Variants in ASIC2 observed in about 807,000 individuals in gnomAD.
The protein encoded by ASIC2 is acid-sensing ion channel 2.
Under a neutral mutation model 57.3 loss-of-function variants are expected in ASIC2, and 25 were observed. That is an observed-to-expected ratio of 0.44 (90% CI 0.32 to 0.61). The LOEUF (loss-of-function observed/expected upper bound fraction) is 0.61, where lower values mean the gene tolerates loss of function less well. ASIC2 is among the 20% of genes least tolerant of loss of function. The pLI is 0.06. For missense variants in ASIC2, 641 were observed against 738.1 expected (o/e 0.87, Z 1.52); for synonymous variants, 319 against 307.5 (o/e 1.04, Z -0.39).
chr17:33,551,066 A>G (rs1322637390), intron 1 of ASIC2, among the ~76,000 whole-genome samples: 7 of 152,190 alleles, frequency 4.6e-5, no homozygotes, highest in Non-Finnish European at 8.8e-5. Flanking sequence ...AATAATATTT[A>G]TCTTAAGCTC....
At chr17:33,729,157 T>C (rs1052190471) in intron 1 of ASIC2, among the ~76,000 whole-genome samples, 41 of 152,182 alleles carry the variant, frequency 2.7e-4, no homozygotes, top group African/African-American at 9.7e-4. Flanking sequence ...GGAAGTGTGG[T>C]GCCAGCGTCT....
At chr17:34,116,074 G>T (rs554100073) in intron 1 of ASIC2, among the ~76,000 whole-genome samples, 1 of 152,294 alleles carries the variant, frequency 6.6e-6, no homozygotes, top group African/African-American at 2.4e-5. Context: ...AGAGAGTGTT[G>T]AGAGTATAGA....
At chr17:34,114,453 G>A (rs143473410) in intron 1 of ASIC2, among the ~76,000 whole-genome samples, 2 of 152,150 alleles carry the variant, frequency 1.3e-5, no homozygotes, top group African/African-American at 2.4e-5. Flanking sequence ...CAAGTAGGAA[G>A]AACATGAGAT....
chr17:33,315,292 C>G (rs1000264324), intron 1 of ASIC2, among the ~76,000 whole-genome samples: 5 of 152,172 alleles, frequency 3.3e-5, no homozygotes, highest in African/African-American at 4.8e-5. Context: ...ACATCTCAAA[C>G]AGAACCCAGG....
chr17:33,846,582 T>TAGCTTAACTGGCATTTCCA (rs1350484671), intron 1 of ASIC2, among the ~76,000 whole-genome samples: 1 of 152,186 alleles, frequency 6.6e-6, no homozygotes, highest in Non-Finnish European at 1.5e-5. Context: ...ATTTTTCAGT[T>TAGCTTAACTGGCATTTCCA]AGCTTAACTG....
chr17:33,292,148 GGCCCCGGCCGGGCGGAGCCGC>G lies in ASIC2; in HGVS notation c.-54_-34del. 1.9e-6 allele frequency: 2 copies of G among 1,028,616 alleles called. No individual in the cohort carries two copies. The highest frequency in any genetic ancestry group is 2.3e-6 in the Non-Finnish European group (2 of 860,198). The allele number at this position is 1,028,616 out of a possible 1,614,324, so 63.7% of individuals were successfully genotyped here. Reference sequence around the variant, plus strand: ...GCCCGCGGCTGGCGGCAGCGGCGGCGGCCCCGGCCGGGCGGAGCCGCCATGGGAGTCCGCAGCAGCAGTGGA... The same window carrying G: ...GCCCGCGGCTGGCGGCAGCGGCGGCGCATGGGAGTCCGCAGCAGCAGTGGA... On this transcript the variant is annotated 5_prime_UTR_variant, in exon 1 of 10. Coordinates refer to ENST00000225823, the MANE Select transcript of ASIC2 (RefSeq NM_183377.2).
rs535924172 is a variant in ASIC2 at position 33,272,714 on chromosome 17, CATT to C, written c.708+18691_708+18693del. Reference sequence around the variant, plus strand: ...CATCCACCATCATCACCATCATCATCATTGTCAGTAGTAGCAATAATCTCCAAC... The same window carrying C: ...CATCCACCATCATCACCATCATCATCGTCAGTAGTAGCAATAATCTCCAAC... On this transcript the variant is annotated intron_variant, in intron 1 of 9. Coordinates refer to ENST00000225823, the MANE Select transcript of ASIC2 (RefSeq NM_183377.2). Among the ~76,000 whole-genome samples, 220 of 152,352 alleles carry C rather than the reference CATT, an allele frequency of 1.4e-3. 2 individuals are homozygous for C. The highest frequency in any genetic ancestry group is 5.0e-3 in the African/African-American group (206 of 41,576).
chr17:33,768,299 C>T (rs562062811), intron 1 of ASIC2, among the ~76,000 whole-genome samples: 1 of 152,270 alleles, frequency 6.6e-6, no homozygotes, highest in East Asian at 1.9e-4. Flanking sequence ...AGCCACCAAG[C>T]CCAGCCCATA....
chr17:33,579,467 C>G (rs1159877976), intron 1 of ASIC2, among the ~76,000 whole-genome samples: 1 of 152,032 alleles, frequency 6.6e-6, no homozygotes, highest in African/African-American at 2.4e-5. Flanking sequence ...TTTATTCATT[C>G]AACATTCATT....
At chr17:33,432,580 T>A (rs2141979243) in intron 1 of ASIC2, among the ~76,000 whole-genome samples, 1 of 152,322 alleles carries the variant, frequency 6.6e-6, no homozygotes, top group South Asian at 2.1e-4. Flanking sequence ...AGGACTTTTT[T>A]AACAACCTTT....
intron 1 of ASIC2, among the ~76,000 whole-genome samples, chr17:33,665,075 A>G (rs1245926019): frequency 6.6e-6 from 1 of 152,206 alleles, no homozygotes; most frequent in African/African-American, 2.4e-5. Flanking sequence ...CAAGAGGCTC[A>G]GAAAGGTGAA....
rs116107012 is a variant in ASIC2 at position 33,461,643 on chromosome 17, T to C, written c.556-349576A>G. ...TTCTAAGAGGGTCCTGACTGATACCTAAGCTTTCCAAATGCTACCACTCTA... is the reference window on the plus strand; with the variant it reads ...TTCTAAGAGGGTCCTGACTGATACCCAAGCTTTCCAAATGCTACCACTCTA... On this transcript the variant is annotated intron_variant, in intron 1 of 9. Coordinates refer to the ASIC2 transcript ENST00000359872. 5.4e-3 allele frequency among the ~76,000 whole-genome samples: 815 copies of C among 152,254 alleles called. 8 individuals carry two copies. The highest frequency in any genetic ancestry group is 0.019 in the African/African-American group (776 of 41,526).
chr17:33,803,447 G>A (rs893195819), intron 1 of ASIC2, among the ~76,000 whole-genome samples: 1 of 152,126 alleles, frequency 6.6e-6, no homozygotes, highest in African/African-American at 2.4e-5. Context: ...TAAATGGCAA[G>A]AGAACCCTAA....
At chr17:33,636,535 A>T (rs1371478589) in intron 1 of ASIC2, among the ~76,000 whole-genome samples, 1 of 152,178 alleles carries the variant, frequency 6.6e-6, no homozygotes, top group Non-Finnish European at 1.5e-5. Flanking sequence ...GCTTGGGAAG[A>T]TGCCTGGCCC....
intron 1 of ASIC2, among the ~76,000 whole-genome samples, chr17:33,806,564 G>T (rs1424921385): frequency 6.6e-6 from 1 of 152,212 alleles, no homozygotes; most frequent in Non-Finnish European, 1.5e-5. Flanking sequence ...CTTCTTTAAA[G>T]GATATTGCAA....
chr17:33,897,852 G>A (rs566062141), intron 1 of ASIC2, among the ~76,000 whole-genome samples: 50 of 152,252 alleles, frequency 3.3e-4, no homozygotes, highest in African/African-American at 1.2e-3. Context: ...GTGAAAACAA[G>A]TCTAAGAGTG....
chr17:33,666,668 C>T (rs1240547112), intron 1 of ASIC2, among the ~76,000 whole-genome samples: 2 of 152,174 alleles, frequency 1.3e-5, no homozygotes, highest in East Asian at 1.9e-4. Flanking sequence ...CTCCACCCAC[C>T]TTATGCTGTC....
chr17:33,382,321 C>T (rs560285666), intron 1 of ASIC2, among the ~76,000 whole-genome samples: 40 of 152,202 alleles, frequency 2.6e-4, no homozygotes, highest in Non-Finnish European at 5.1e-4. Context: ...AAAGAAGAAT[C>T]GATGATGCTG....
intron 1 of ASIC2, among the ~76,000 whole-genome samples, chr17:33,496,325 G>T (rs889165979): frequency 6.6e-6 from 1 of 152,142 alleles, no homozygotes; most frequent in Non-Finnish European, 1.5e-5. Context: ...CCCCTTCTCT[G>T]CTTCTATGGC....
Sources: allele counts gnomAD v4.1 joint callset (sites outside exome capture counted in the v4.1 genomes callset), GRCh38; gene constraint gnomAD v4.1.1; transcripts MANE v1.5; gene names NCBI Gene and HGNC (gene_info 2026-07-23, HGNC 2026-07-21).